SRGAP3: variants seen among roughly 807,000 people sequenced by gnomAD.
The protein encoded by SRGAP3 is SLIT-ROBO Rho GTPase activating protein 3, also known as SLIT-ROBO Rho GTPase-activating protein 3.
In SRGAP3, 39 loss-of-function variants were observed where a neutral mutation model predicts 121.1. The ratio of observed to expected loss-of-function variants is 0.32; its 90% CI spans 0.25 to 0.42. SRGAP3 has a LOEUF of 0.42. SRGAP3 is among the 10% of genes least tolerant of loss of function. The pLI is 1.00. For missense variants in SRGAP3, 1,213 were observed against 1,470.6 expected (o/e 0.82, Z 2.86); for synonymous variants, 601 against 570.0 (o/e 1.05, Z -0.77).
At chr3:9,321,465 G>A (rs947337507) in intron 3 of SRGAP3, among the ~76,000 whole-genome samples, 1 of 151,918 alleles carries the variant, frequency 6.6e-6, no homozygotes, top group African/African-American at 2.4e-5. Flanking sequence ...CTGACCAACC[G>A]ATAGTTGTCT....
In SRGAP3 at chr3:9,324,595, C is replaced by T. The variant is rs75594373; in HGVS notation, n.442+1415G>A. ...GAGTGACTTCATTTTAGTTTGGTTT[C>T]GTTTGTCGGGGCCTAGTGCATGAGC... On this transcript the variant is annotated intron_variant and non_coding_transcript_variant, in intron 3 of 3. Coordinates refer to the SRGAP3 transcript ENST00000490889. 3.0e-4 allele frequency among the ~76,000 whole-genome samples: 45 copies of T among 151,906 alleles called. 1 individual carries two copies. In the East Asian group the frequency reaches 8.7e-3, roughly 29 times the overall value.
chr3:9,075,807 T>G (rs1246056452), intron 4 of SRGAP3, among the ~76,000 whole-genome samples: 1 of 152,232 alleles, frequency 6.6e-6, no homozygotes, highest in Non-Finnish European at 1.5e-5. Context: ...TGTAGACTTG[T>G]ATAACCAGGC....
rs569485518 is a variant in SRGAP3, at chr3:9,200,463, T to C, written c.67+48422A>G. Among the ~76,000 whole-genome samples, 5 of 152,210 alleles carry C rather than the reference T, an allele frequency of 3.3e-5. No homozygotes were observed. In the East Asian group the frequency reaches 9.6e-4, roughly 29 times the overall value. ...AAAAGGAACACACAAAAGACCATAGTAAATGTGAGTAGTGCCATCCTACAA... is the reference window on the plus strand; with the variant it reads ...AAAAGGAACACACAAAAGACCATAGCAAATGTGAGTAGTGCCATCCTACAA... On this transcript the variant is annotated intron_variant, in intron 1 of 21. Transcript: ENST00000383836.
intron 15 of SRGAP3, 131 bp downstream of exon 15, chr3:9,015,466 C>T (rs1273462507): frequency 2.2e-5 from 27 of 1,201,190 alleles, no homozygotes; most frequent in Non-Finnish European, 3.1e-5. Context: ...GCTTTCAGTT[C>T]TACGAGGATG....
intron 4 of SRGAP3, among the ~76,000 whole-genome samples, chr3:9,076,180 C>T (rs545462064): frequency 6.6e-6 from 1 of 151,962 alleles, no homozygotes; most frequent in South Asian, 2.1e-4. Context: ...CCAGTTGAAC[C>T]CTGCCCAAAT....
chr3:9,162,465 A>C (rs888610552), intron 1 of SRGAP3, among the ~76,000 whole-genome samples: 2 of 152,052 alleles, frequency 1.3e-5, no homozygotes, highest in Non-Finnish European at 2.9e-5. Flanking sequence ...TTTCAATCCT[A>C]ATATTTGGGG....
At chr3:9,020,550 C>G (rs1302389173) in intron 14 of SRGAP3, among the ~76,000 whole-genome samples, 1 of 152,184 alleles carries the variant, frequency 6.6e-6, no homozygotes, top group Non-Finnish European at 1.5e-5. Flanking sequence ...CTCCATGTTG[C>G]CTAGTACTAG....
chr3:9,348,621 AAG>A (rs1575025873), intron 1 of SRGAP3: 4 of 1,002,060 alleles, frequency 4.0e-6, no homozygotes, highest in Non-Finnish European at 6.3e-6. Context: ...CTCAGTGCAG[AAG>A]AGAGTGATCC....
chr3:9,191,108 C>A (rs571825123), intron 1 of SRGAP3, among the ~76,000 whole-genome samples: 3 of 152,216 alleles, frequency 2.0e-5, no homozygotes, highest in Non-Finnish European at 4.4e-5. Context: ...CCCAGCCCAT[C>A]CCACAAGTCT....
At chr3:9,198,899 T>C (rs1459255175) in intron 1 of SRGAP3, among the ~76,000 whole-genome samples, 1 of 152,072 alleles carries the variant, frequency 6.6e-6, no homozygotes, top group Non-Finnish European at 1.5e-5. Context: ...CCCCAGCCTG[T>C]AGAAAGACAA....
intron 20 of SRGAP3, among the ~76,000 whole-genome samples, chr3:8,991,258 G>A (rs188919980): frequency 6.6e-6 from 1 of 152,278 alleles, no homozygotes; most frequent in African/African-American, 2.4e-5. Context: ...AAGCTTTGAG[G>A]CTTGACTGTA....
At chr3:9,013,961 G>C (rs764110358) in intron 15 of SRGAP3, 119 bp from the exon 16 acceptor site, 48 of 877,796 alleles carry the variant, frequency 5.5e-5, no homozygotes, top group Non-Finnish European at 6.2e-5. Flanking sequence ...CTCTACTCTT[G>C]ATTCCAGGGA....
At position 8,984,464 on chromosome 3, in the gene SRGAP3, G is replaced by GAT. The variant is rs1329290953; in HGVS notation, c.*1053_*1054dup. On this transcript the variant is annotated 3_prime_UTR_variant, in exon 22 of 22. Coordinates refer to ENST00000383836, the MANE Select transcript of SRGAP3 (RefSeq NM_014850.4). Reference sequence around the variant, plus strand: ...AGAAAAAATTAAATAGTTTGAAAATGATATAAGTTAAACCTCTATAGTTAC... The same window carrying GAT: ...AGAAAAAATTAAATAGTTTGAAAATGATATATAAGTTAAACCTCTATAGTTAC... 7.8e-5 allele frequency: 18 copies of GAT among 232,238 alleles called. No individual in the cohort carries two copies. The highest frequency in any genetic ancestry group is 3.5e-4 in the African/African-American group (16 of 45,420). 14.4% of individuals were successfully genotyped at this position (232,238 alleles called of 1,614,324 possible).
At chr3:9,216,630 T>C (rs565111894) in intron 1 of SRGAP3, 1 of 152,724 alleles carries the variant, frequency 6.5e-6, no homozygotes, top group East Asian at 1.9e-4. Context: ...CTTACTTCAG[T>C]CCCACGTAGA....
chr3:9,234,543 A>G (rs1267749676), intron 1 of SRGAP3, among the ~76,000 whole-genome samples: 1 of 152,152 alleles, frequency 6.6e-6, no homozygotes, highest in Non-Finnish European at 1.5e-5. Context: ...TAAGCTATAG[A>G]AGGTCCCCTA....
Position 9,088,864 on chromosome 3 carries a change from C to T in SRGAP3, c.424-8777G>A, listed in dbSNP as rs558306845. ...CCTGTTTCAAGTACGGTGGCCCCTT[C>T]GGTACGGGCTTGTGCTACTGCTGGT... On this transcript the variant is annotated intron_variant, in intron 3 of 21. Coordinates refer to ENST00000383836, the MANE Select transcript of SRGAP3 (RefSeq NM_014850.4). Among the ~76,000 whole-genome samples the T allele has an allele frequency of 7.2e-5, 11 of 152,252 alleles. No individual in the cohort carries two copies. In the South Asian group the frequency reaches 8.3e-4, roughly 12 times the overall value.
At chr3:9,060,501 A>G in intron 5 of SRGAP3, 142 bp from the exon 6 acceptor site, 1 of 1,147,026 alleles carries the variant, frequency 8.7e-7, no homozygotes, top group Non-Finnish European at 1.2e-6. Context: ...ATCATAGCTC[A>G]CTTCAGCCTT....
chr3:9,360,958 G>GT (rs1222626133), intron 1 of SRGAP3, among the ~76,000 whole-genome samples: 21 of 152,042 alleles, frequency 1.4e-4, no homozygotes, highest in Non-Finnish European at 3.1e-4. Flanking sequence ...TTGATTTTTT[G>GT]TTTTTTACTT....
intron 3 of SRGAP3, among the ~76,000 whole-genome samples, chr3:9,279,003 G>A (rs1300659995): frequency 1.3e-5 from 2 of 152,098 alleles, no homozygotes; most frequent in East Asian, 3.9e-4. Flanking sequence ...GCCGGGCGTG[G>A]TGGTGCACAT....
Sources: allele counts gnomAD v4.1 joint callset (sites outside exome capture counted in the v4.1 genomes callset), GRCh38; gene constraint gnomAD v4.1.1; transcripts MANE v1.5; gene names NCBI Gene and HGNC (gene_info 2026-07-23, HGNC 2026-07-21).